The following HEMGN variants were observed in gnomAD, a reference collection of about 807,000 sequenced individuals.
HEMGN encodes the protein hemogen.
Under a neutral mutation model 45.7 loss-of-function variants are expected in HEMGN, and 32 were observed. That is an observed-to-expected ratio of 0.70 (90% CI 0.53 to 0.94). The LOEUF is 0.94. Ranked by LOEUF, HEMGN falls within the 40% of genes least tolerant of loss-of-function variation. The probability of loss-of-function intolerance (pLI) is 0.00; values close to 1 mark genes in which losing one functional copy is unlikely to be tolerated. For synonymous variants in HEMGN, 183 were observed against 178.6 expected (o/e 1.02, Z -0.20); for missense variants, 530 against 564.2 (o/e 0.94, Z 0.61).
chr9:97,932,803 C>CAAAAAAAAAAAAAAA, intron 2 of HEMGN, among the ~76,000 whole-genome samples: 1 of 87,292 alleles, frequency 1.1e-5, no homozygotes. Flanking sequence ...GACTCTGTCT[C>CAAAAAAAAAAAAAAA]AAAAAAAAAA....
chr9:97,933,875 G>A (rs568623520), intron 2 of HEMGN, among the ~76,000 whole-genome samples: 1 of 152,302 alleles, frequency 6.6e-6, no homozygotes, highest in East Asian at 1.9e-4. Flanking sequence ...TCACTAAGGT[G>A]TTATCCATTT....
upstream of HEMGN, among the ~76,000 whole-genome samples, chr9:97,938,558 G>A (rs1325755640): frequency 6.6e-6 from 1 of 152,278 alleles, no homozygotes; most frequent in East Asian, 1.9e-4. Flanking sequence ...CAGTGGCCCA[G>A]GGCAAGTCAC....
chr9:97,936,322 A>T (rs1827060358), intron 1 of HEMGN, 58 bp from the exon 2 acceptor site: 1 of 1,186,850 alleles, frequency 8.4e-7, no homozygotes, highest in East Asian at 2.3e-5. Context: ...TATCAGCAAA[A>T]GTCCTGTAGC....
intron 2 of HEMGN, among the ~76,000 whole-genome samples, chr9:97,931,439 C>T (rs1328488535): frequency 6.6e-6 from 1 of 152,170 alleles, no homozygotes; most frequent in Non-Finnish European, 1.5e-5. Flanking sequence ...GACTTCGTGG[C>T]ATTGATACCA....
At chr9:97,938,223 T>TAAA, upstream of HEMGN, 8 of 675,338 alleles carry the variant, frequency 1.2e-5, no homozygotes, top group Admixed American at 2.7e-5. Flanking sequence ...ATCTAACACT[T>TAAA]AAAAAAAAAA....
In HEMGN at chr9:97,930,837, A is replaced by G. The variant is rs376645183; in HGVS notation, c.558T>C (p.Asn186=). 8 of 1,614,044 alleles carry G rather than the reference A, an allele frequency of 5.0e-6. No individual in the cohort carries two copies. Among genetic ancestry groups the G allele is most frequent in the Non-Finnish European group, 6.8e-6 (8 of 1,180,014 alleles). The change falls in exon 3 of 4, where the codon AAT becomes AAC. Residue 186 remains asparagine (N), a synonymous_variant. Coordinates refer to ENST00000616898, the MANE Select transcript of HEMGN (RefSeq NM_197978.3). ...MYQEISVLQD[N]SSKICQDMKE... ...TCATGTCTTGGCATATTTTGGAAGA[A>G]TTGTCTTGAAGTACAGATATTTCTT...
rs746383608 is a variant in HEMGN at position 97,930,585 on chromosome 9, A to G, written c.810T>C (p.Tyr270=). The change falls in exon 3 of 4, where the codon TAT becomes TAC. Residue 270 remains tyrosine (Y), a synonymous_variant. Transcript: ENST00000616898. ...AYPKPDVPKG[Y]ILDTDQNPAE... is the part of the protein sequence containing the mutation. The stretch of plus-strand genomic sequence containing the variant: ...CTGGATTTTGGTCTGTGTCAAGAAT[A>G]TAGCCTTTAGGCACATCTGGTTTTG... The G allele has an allele frequency of 5.6e-6, 9 of 1,614,044 alleles. No individual in the cohort carries two copies. The highest frequency in any genetic ancestry group is 4.5e-5 in the East Asian group (2 of 44,882).
At chr9:97,929,009 A>G (rs940291143) in intron 3 of HEMGN, among the ~76,000 whole-genome samples, 2 of 152,248 alleles carry the variant, frequency 1.3e-5, no homozygotes, top group Non-Finnish European at 2.9e-5. Flanking sequence ...TTGCTTTATT[A>G]TAATGAACAC....
At chr9:97,938,234 A>C (rs190152488), upstream of HEMGN, 3 of 770,156 alleles carry the variant, frequency 3.9e-6, no homozygotes, top group Non-Finnish European at 6.6e-6. Flanking sequence ...AAAAAAAAAA[A>C]CCACACACAC....
rs913200215 is a variant in HEMGN at position 97,933,790 on chromosome 9, G to C, written c.173+2381C>G. On this transcript the variant is annotated intron_variant, in intron 2 of 3. Transcript: ENST00000616898. ...AAGTTTCACTGTATGGTGTGTTGTA[G>C]TGAGAAAAGAGGGCACAGGCCTTAG... Among the ~76,000 whole-genome samples, 149 of 152,272 alleles carry C rather than the reference G, an allele frequency of 9.8e-4. 1 individual carries two copies. Among genetic ancestry groups the C allele is most frequent in the African/African-American group, 3.4e-3 (142 of 41,560 alleles).
At chr9:97,944,167 T>A (rs1000092327) in intron 1 of HEMGN, among the ~76,000 whole-genome samples, 2 of 152,246 alleles carry the variant, frequency 1.3e-5, no homozygotes, top group Admixed American at 1.3e-4. Flanking sequence ...AATAAATATG[T>A]CTGAGTTCTA....
At chr9:97,943,121 C>T (rs974670141), upstream of HEMGN, among the ~76,000 whole-genome samples, 2 of 152,106 alleles carry the variant, frequency 1.3e-5, no homozygotes, top group African/African-American at 4.8e-5. Context: ...AAGGTAATAC[C>T]TCATGGGGAT....
At position 97,927,439 on chromosome 9, in the gene HEMGN, GCTGGTATTC is replaced by G; in HGVS notation, c.1391_1399del (p.Gly464_Pro466del). The G allele has an allele frequency of 6.2e-7, 1 of 1,609,860 alleles. No homozygotes were observed. Among genetic ancestry groups the G allele is most frequent in the Non-Finnish European group, 8.5e-7 (1 of 1,177,198 alleles). ...TTCTGGATGACTCTCATTCAGAATT[GCTGGTATTC>G]CTGGCTCTTCTTTGGGTTTTTCTTT... On this transcript the variant is annotated inframe_deletion, in exon 4 of 4. Coordinates refer to ENST00000616898, the MANE Select transcript of HEMGN (RefSeq NM_197978.3).
At chr9:97,936,382 A>G (rs895205856) in intron 1 of HEMGN, 118 bp from the exon 2 acceptor site, 5 of 696,966 alleles carry the variant, frequency 7.2e-6, no homozygotes, top group Admixed American at 6.9e-5. Context: ...TTTTGAGGAC[A>G]AGGACTGCAT....
chr9:97,931,490 G>A (rs984002417), intron 2 of HEMGN, among the ~76,000 whole-genome samples: 3 of 152,214 alleles, frequency 2.0e-5, no homozygotes, highest in Non-Finnish European at 2.9e-5. Context: ...GTGCATGCGC[G>A]TATGCGTGCG....
intron 2 of HEMGN, among the ~76,000 whole-genome samples, chr9:97,931,938 G>A (rs1016336070): frequency 6.6e-6 from 1 of 152,184 alleles, no homozygotes; most frequent in Non-Finnish European, 1.5e-5. Flanking sequence ...GTGACAAATT[G>A]TTAGGCACTG....
chr9:97,942,978 A>G (rs972709563), upstream of HEMGN, among the ~76,000 whole-genome samples: 5 of 152,228 alleles, frequency 3.3e-5, no homozygotes, highest in Admixed American at 6.5e-5. Flanking sequence ...CATACTGTGA[A>G]GACCATATTA....
intron 3 of HEMGN, among the ~76,000 whole-genome samples, chr9:97,929,203 C>G (rs776962271): frequency 2.0e-5 from 3 of 152,202 alleles, no homozygotes; most frequent in East Asian, 1.9e-4. Context: ...TGTCAGTGCA[C>G]GTACTGCTTC....
intron 1 of HEMGN, among the ~76,000 whole-genome samples, chr9:97,944,249 T>A (rs1827191805): frequency 6.6e-6 from 1 of 152,238 alleles, no homozygotes; most frequent in Non-Finnish European, 1.5e-5. Flanking sequence ...AAACTTAGCA[T>A]AACTAAAAGC....
Sources: gnomAD v4.1 joint callset for allele counts (sites outside exome capture counted in the v4.1 genomes callset) on GRCh38, gnomAD v4.1.1 for gene constraint, MANE v1.5 for transcripts, NCBI Gene and HGNC (gene_info 2026-07-23, HGNC 2026-07-21) for gene names.